The following CELF2 variants were observed in gnomAD, a reference collection of about 807,000 sequenced individuals.
CELF2 encodes CUGBP Elav-like family member 2.
A neutral mutation model predicts 62.6 loss-of-function variants in CELF2; 8 were observed. The ratio of observed to expected loss-of-function variants is 0.13; its 90% confidence interval spans 0.07 to 0.23. CELF2 has a LOEUF of 0.23. Ranked by LOEUF, CELF2 falls within the 10% of genes least tolerant of loss-of-function variation. CELF2 has a pLI of 1.00. For synonymous variants in CELF2, 258 were observed against 250.0 expected (o/e 1.03, Z -0.30); for missense variants, 333 against 671.0 (o/e 0.50, Z 5.56).
At chr10:11,052,422 A>G (rs565917131) in intron 1 of CELF2, among the ~76,000 whole-genome samples, 8 of 152,258 alleles carry the variant, frequency 5.3e-5, no homozygotes, top group African/African-American at 1.9e-4. Context: ...AAGCTTCTTT[A>G]TGCTGTTACT....
At chr10:10,535,606 G>C in the CELF2 span, among the ~76,000 whole-genome samples, 3 of 152,148 alleles carry the variant, frequency 2.0e-5, no homozygotes, top group African/African-American at 7.2e-5. Flanking sequence ...TGTAATCCTA[G>C]CTACTCAGGA....
At chr10:10,497,222 A>G in the CELF2 span, among the ~76,000 whole-genome samples, 1 of 151,800 alleles carries the variant, frequency 6.6e-6, no homozygotes, top group Non-Finnish European at 1.5e-5. Context: ...AAGAAAAAAA[A>G]AATGACAGCA....
Position 11,178,824 on chromosome 10 carries a change from A to G in CELF2, c.271+13142A>G, listed in dbSNP as rs17149708. On this transcript the variant is annotated intron_variant, in intron 2 of 12. Transcript: ENST00000633077. This position sits in a 1 kb window ranked among gnomAD's most constrained non-coding sequence, Gnocchi z 4.3. Reference sequence around the variant, plus strand: ...ATTAGCCGCAGAGCTGAGTGAGTCTATGAAAACCCATTGGTCGGGCTGCCC... The same window carrying G: ...ATTAGCCGCAGAGCTGAGTGAGTCTGTGAAAACCCATTGGTCGGGCTGCCC... 0.19 allele frequency among the ~76,000 whole-genome samples: 29,683 copies of G among 152,226 alleles called. 3,035 individuals carry two copies. Among genetic ancestry groups the G allele is most frequent in the Middle Eastern group, 0.29 (84 of 294 alleles).
At chr10:10,745,538 C>T in the CELF2 span, among the ~76,000 whole-genome samples, 2 of 152,154 alleles carry the variant, frequency 1.3e-5, no homozygotes, top group African/African-American at 2.4e-5. Context: ...CCTGGGGCTT[C>T]GAGTTGTGTG....
intron 1 of CELF2, among the ~76,000 whole-genome samples, chr10:11,056,188 C>T (rs1330882291): frequency 6.6e-6 from 1 of 152,178 alleles, no homozygotes; most frequent in Non-Finnish European, 1.5e-5. Context: ...CTATAAAGCT[C>T]TTTAAAATGT....
In CELF2 at chr10:11,332,247, T is replaced by TACCTTGCAGTA. The variant is rs1421581753; in HGVS notation, c.*3196_*3206dup. On this transcript the variant is annotated 3_prime_UTR_variant, in exon 13 of 13. Transcript: ENST00000633077. ...TGTCCTAGTCTAGAATATTTTCATA[T>TACCTTGCAGTA]ACCTTGCAGTAAAACGACTTTGTGG... The TACCTTGCAGTA allele has an allele frequency of 6.6e-6, 1 of 152,244 alleles. No individual in the cohort carries two copies. Among genetic ancestry groups the TACCTTGCAGTA allele is most frequent in the Non-Finnish European group, 1.5e-5 (1 of 68,040 alleles). 9.4% of individuals were successfully genotyped at this position (152,244 alleles called of 1,614,324 possible).
chr10:11,009,007 G>GA (rs1452364030), intron 1 of CELF2, among the ~76,000 whole-genome samples: 2 of 13,960 alleles, frequency 1.4e-4, no homozygotes, highest in Non-Finnish European at 2.0e-4. Context: ...GGAATTTGCG[G>GA]GGGGGGGGGG....
intron 1 of CELF2, among the ~76,000 whole-genome samples, chr10:11,106,242 T>TATTA (rs1806364085): frequency 1.3e-5 from 2 of 150,922 alleles, no homozygotes; most frequent in Admixed American, 1.3e-4. Flanking sequence ...TTTATTTATT[T>TATTA]ATTTATTTTT....
intron 1 of CELF2, among the ~76,000 whole-genome samples, chr10:11,080,103 A>G (rs555660404): frequency 6.6e-6 from 1 of 152,358 alleles, no homozygotes; most frequent in Non-Finnish European, 1.5e-5. Context: ...TGCTAGTTCA[A>G]ATGCTGATTT....
rs998723469 is a variant in CELF2 at position 11,110,050 on chromosome 10, G to C, written c.75-55436G>C. Among the ~76,000 whole-genome samples the C allele has an allele frequency of 4.6e-5, 7 of 152,034 alleles. No individual in the cohort carries two copies. The highest frequency in any genetic ancestry group is 2.6e-4 in the Admixed American group (4 of 15,258). ...GAGGCAGGAGGATGGCTTGAGCTCGGGAGTTTGAGACCAGCTTGGGCAACA... is the reference window on the plus strand; with the variant it reads ...GAGGCAGGAGGATGGCTTGAGCTCGCGAGTTTGAGACCAGCTTGGGCAACA... On this transcript the variant is annotated intron_variant, in intron 1 of 12. Coordinates refer to ENST00000633077, the MANE Select transcript of CELF2 (RefSeq NM_001326342.2). This position sits in a 1 kb window ranked among gnomAD's most constrained non-coding sequence, Gnocchi z 4.0.
At chr10:10,917,452 G>A (rs544952838) in intron 1 of CELF2, among the ~76,000 whole-genome samples, 150 of 152,226 alleles carry the variant, frequency 9.9e-4, no homozygotes, top group Non-Finnish European at 1.9e-3. Context: ...CAATCCTCCC[G>A]CCTCAGCCTC....
chr10:11,018,486 G>A (rs990030583), intron 1 of CELF2, among the ~76,000 whole-genome samples: 1 of 151,062 alleles, frequency 6.6e-6, no homozygotes, highest in Non-Finnish European at 1.5e-5. Flanking sequence ...GTGAGTGGGG[G>A]ACGGGCGGGG....
chr10:10,711,190 T>C, the CELF2 span, among the ~76,000 whole-genome samples: 1 of 152,162 alleles, frequency 6.6e-6, no homozygotes. Flanking sequence ...TAGAGAACCA[T>C]TGCTTTATAT....
intron 1 of CELF2, among the ~76,000 whole-genome samples, chr10:11,056,831 A>G (rs1457954664): frequency 6.6e-6 from 1 of 152,368 alleles, no homozygotes; most frequent in East Asian, 1.9e-4. Flanking sequence ...AAATGTGTCC[A>G]TTAGCAATAA....
chr10:11,038,177 A>G (rs2061273170), intron 1 of CELF2, among the ~76,000 whole-genome samples: 1 of 152,224 alleles, frequency 6.6e-6, no homozygotes, highest in Non-Finnish European at 1.5e-5. Context: ...GAGAGGACCC[A>G]GCCACACCAG....
the CELF2 span, among the ~76,000 whole-genome samples, chr10:10,702,238 G>C: frequency 2.2e-4 from 33 of 152,282 alleles, no homozygotes; most frequent in African/African-American, 7.7e-4. Flanking sequence ...GGAGAAGGGG[G>C]AAACAGCCAC....
At position 11,178,487 on chromosome 10, in the gene CELF2, TA is replaced by T. The variant is rs1565116305; in HGVS notation, c.271+12808del. The stretch of plus-strand genomic sequence containing the variant: ...AAAAGACTTGGGGAAAGGTAATGAA[TA>T]AATTAAAGACACACTTTTGTAATCG... On this transcript the variant is annotated intron_variant, in intron 2 of 12. Transcript: ENST00000633077. This position sits in a 1 kb window ranked among gnomAD's most constrained non-coding sequence, Gnocchi z 4.3. 1.3e-5 allele frequency among the ~76,000 whole-genome samples: 2 copies of T among 152,244 alleles called. No homozygotes were observed. Among genetic ancestry groups the T allele is most frequent in the Admixed American group, 1.3e-4 (2 of 15,290 alleles).
At chr10:10,673,478 G>C in the CELF2 span, among the ~76,000 whole-genome samples, 1 of 152,006 alleles carries the variant, frequency 6.6e-6, no homozygotes, top group South Asian at 2.1e-4. Context: ...TCTCTTCAAA[G>C]AACCAGCTTT....
chr10:10,490,029 T>C, the CELF2 span, among the ~76,000 whole-genome samples: 1 of 152,156 alleles, frequency 6.6e-6, no homozygotes. Flanking sequence ...TAAACCTTTG[T>C]TATTTATCTG....
Sources: gnomAD v4.1 joint callset for allele counts (sites outside exome capture counted in the v4.1 genomes callset) on GRCh38, gnomAD v4.1.1 for gene constraint, Gnocchi (gnomAD v3.1) non-coding constraint, MANE v1.5 for transcripts, NCBI Gene and HGNC (gene_info 2026-07-23, HGNC 2026-07-21) for gene names.